DCLK1: variants seen among roughly 807,000 people sequenced by gnomAD.
The protein encoded by DCLK1 is serine/threonine-protein kinase DCLK1.
DCLK1 carries 16 observed loss-of-function variants against 86.2 expected under a neutral mutation model. The observed-to-expected ratio is 0.19, with a 90% CI of 0.13 to 0.28. DCLK1 has a LOEUF of 0.28. Among genes scored for constraint, DCLK1 ranks in the 10% least tolerant of loss-of-function variants. DCLK1 has a pLI of 1.00. For synonymous variants in DCLK1, 369 were observed against 370.5 expected (o/e 1.00, Z 0.05); for missense variants, 590 against 940.2 (o/e 0.63, Z 4.87).
At chr13:35,836,363 A>G (rs2153107508) in intron 7 of DCLK1, among the ~76,000 whole-genome samples, 1 of 152,198 alleles carries the variant, frequency 6.6e-6, no homozygotes, top group Non-Finnish European at 1.5e-5. Context: ...TAAGGGGTCC[A>G]CTCCCACCTA....
chr13:36,116,616 T>G lies in DCLK1; in HGVS notation c.377-4401A>C, dbSNP rs7326368. 2.0e-3 allele frequency among the ~76,000 whole-genome samples: 307 copies of G among 152,320 alleles called. 2 individuals carry two copies. Among genetic ancestry groups the G allele is most frequent in the African/African-American group, 7.2e-3 (299 of 41,588 alleles). ...TCTGAAAATGACCTCATCTCCATCC[T>G]TCACATTACTAGAGCTGGTTGTTAC... On this transcript the variant is annotated intron_variant, in intron 2 of 16. Coordinates refer to ENST00000360631, the MANE Select transcript of DCLK1 (RefSeq NM_001330071.2).
chr13:36,072,558 G>T (rs1181020014), intron 3 of DCLK1, among the ~76,000 whole-genome samples: 1 of 152,216 alleles, frequency 6.6e-6, no homozygotes, highest in African/African-American at 2.4e-5. Flanking sequence ...TGCCTATGCA[G>T]TAACTTCTCT....
At chr13:35,855,655 G>C in intron 5 of DCLK1, 1 of 1,448,394 alleles carries the variant, frequency 6.9e-7, no homozygotes, top group Non-Finnish European at 9.2e-7. Context: ...TCCCAGAGCA[G>C]GCTGAATGAG....
At chr13:36,098,599 C>T (rs1885092805) in intron 3 of DCLK1, among the ~76,000 whole-genome samples, 1 of 152,200 alleles carries the variant, frequency 6.6e-6, no homozygotes, top group Non-Finnish European at 1.5e-5. Context: ...AACACAGTTG[C>T]CAATCCTCAA....
intron 3 of DCLK1, among the ~76,000 whole-genome samples, chr13:36,071,161 C>T (rs1202791360): frequency 1.3e-5 from 2 of 151,894 alleles, no homozygotes; most frequent in Non-Finnish European, 2.9e-5. Flanking sequence ...GAACATATCT[C>T]GTTACACTGC....
At chr13:35,971,107 A>G (rs1200392274) in intron 3 of DCLK1, among the ~76,000 whole-genome samples, 3 of 152,232 alleles carry the variant, frequency 2.0e-5, no homozygotes, top group Non-Finnish European at 1.5e-5. Context: ...CCAGCTCTTT[A>G]GCACTGTATA....
At chr13:35,904,727 A>G (rs1347670269) in intron 4 of DCLK1, among the ~76,000 whole-genome samples, 1 of 152,226 alleles carries the variant, frequency 6.6e-6, no homozygotes, top group African/African-American at 2.4e-5. Context: ...AGTGAAGACC[A>G]AGCAAAGTGG....
chr13:35,837,839 T>G (rs9574728), intron 7 of DCLK1, among the ~76,000 whole-genome samples: 37,618 of 151,664 alleles, frequency 0.25, 4,936 homozygotes, highest in African/African-American at 0.32. Flanking sequence ...GCCGAGGCAG[T>G]TGGATCACTT....
intron 6 of DCLK1, among the ~76,000 whole-genome samples, chr13:35,844,366 A>C (rs1870027101): frequency 6.6e-6 from 1 of 152,220 alleles, no homozygotes; most frequent in African/African-American, 2.4e-5. Context: ...CAAGATTTCA[A>C]AGACAAATGC....
At position 35,927,766 on chromosome 13, in the gene DCLK1, AG is replaced by A. The variant is rs1269840965; in HGVS notation, c.823+19591del. Among the ~76,000 whole-genome samples the A allele has an allele frequency of 2.6e-5, 4 of 152,176 alleles. No homozygotes were observed. The South Asian group carries it at 8.3e-4, about 32-fold the overall frequency. On this transcript the variant is annotated intron_variant, in intron 4 of 16. Coordinates refer to ENST00000360631, the MANE Select transcript of DCLK1 (RefSeq NM_001330071.2). ...CCAGAAAGGTCAACCATGTGATTAG[AG>A]GGTTAGGGCTTTGACTCATGTGATA...
intron 4 of DCLK1, among the ~76,000 whole-genome samples, chr13:35,880,404 C>A (rs1872818319): frequency 6.6e-6 from 1 of 152,168 alleles, no homozygotes; most frequent in South Asian, 2.1e-4. Context: ...AGGTAAGGTT[C>A]TTTCCCTTCC....
At chr13:35,828,095 G>A (rs1246712785) in intron 9 of DCLK1, among the ~76,000 whole-genome samples, 155 bp downstream of exon 9, 1 of 152,052 alleles carries the variant, frequency 6.6e-6, no homozygotes, top group African/African-American at 2.4e-5. Context: ...TTTATCCCAG[G>A]GATATACATA....
chr13:36,088,583 T>C (rs994306805), intron 3 of DCLK1, among the ~76,000 whole-genome samples: 1 of 152,148 alleles, frequency 6.6e-6, no homozygotes, highest in Non-Finnish European at 1.5e-5. Context: ...GGAAAGCAGG[T>C]TGTAAGATGG....
At chr13:36,123,351 AT>A (rs1278177509) in intron 2 of DCLK1, among the ~76,000 whole-genome samples, 2 of 152,232 alleles carry the variant, frequency 1.3e-5, no homozygotes, top group Non-Finnish European at 2.9e-5. Flanking sequence ...TAGAAAAAAA[AT>A]CTGTTTAAAT....
At chr13:35,891,096 A>G (rs1194137697) in intron 4 of DCLK1, among the ~76,000 whole-genome samples, 1 of 152,070 alleles carries the variant, frequency 6.6e-6, no homozygotes, top group Non-Finnish European at 1.5e-5. Context: ...GAGACTATCC[A>G]ATATGATATT....
chr13:35,811,129 C>T (rs189319742), intron 11 of DCLK1, among the ~76,000 whole-genome samples, 161 bp from the exon 12 acceptor site: 12 of 152,298 alleles, frequency 7.9e-5, no homozygotes, highest in Admixed American at 6.5e-4. Context: ...AGCTTACTTC[C>T]TTTAGATTAC....
chr13:35,973,906 T>C (rs760533440), intron 3 of DCLK1, among the ~76,000 whole-genome samples: 12 of 152,012 alleles, frequency 7.9e-5, no homozygotes, highest in Non-Finnish European at 5.9e-5. Flanking sequence ...AAACCCCCCT[T>C]TCTGAGACTG....
intron 4 of DCLK1, among the ~76,000 whole-genome samples, chr13:35,902,316 A>C (rs1217492723): frequency 6.6e-6 from 1 of 152,186 alleles, no homozygotes; most frequent in Non-Finnish European, 1.5e-5. Flanking sequence ...ATATATGGTG[A>C]TTCTATTTCT....
At chr13:36,055,094 G>A (rs1463274051) in intron 3 of DCLK1, among the ~76,000 whole-genome samples, 2 of 152,134 alleles carry the variant, frequency 1.3e-5, no homozygotes, top group African/African-American at 4.8e-5. Context: ...CGCTGAAAAG[G>A]CAAATAAAGA....
Sources: gnomAD v4.1 joint callset for allele counts (sites outside exome capture counted in the v4.1 genomes callset) on GRCh38, gnomAD v4.1.1 for gene constraint, MANE v1.5 for transcripts, NCBI Gene and HGNC (gene_info 2026-07-23, HGNC 2026-07-21) for gene names.